RSU1: variants seen among roughly 807,000 people sequenced by gnomAD.
The protein encoded by RSU1 is rsu-1.
A neutral mutation model predicts 31.1 loss-of-function variants in RSU1; 26 were observed. That is an observed-to-expected ratio of 0.84 (90% confidence interval 0.61 to 1.16). The LOEUF is 1.16. Among genes scored for constraint, RSU1 ranks in the 50% most tolerant of loss-of-function variants. The probability of loss-of-function intolerance (pLI) is 0.00; values close to 1 mark genes in which losing one functional copy is unlikely to be tolerated. For missense variants in RSU1, 320 were observed against 339.1 expected, an observed-to-expected ratio of 0.94 and a Z score of 0.44; for synonymous variants, 164 against 136.3, an observed-to-expected ratio of 1.20 and a Z score of -1.41.
At chr10:16,673,220 A>G (rs1488992817) in intron 8 of RSU1, among the ~76,000 whole-genome samples, 3 of 148,476 alleles carry the variant, frequency 2.0e-5, no homozygotes, top group African/African-American at 7.5e-5. Flanking sequence ...GGTAGGACTC[A>G]GAGACCAGAA....
intron 3 of RSU1, 132 bp from the exon 4 acceptor site, chr10:16,764,642 G>A (rs374782925): frequency 2.2e-6 from 2 of 922,874 alleles, no homozygotes; most frequent in Admixed American, 5.7e-5. Context: ...TTCACCTACC[G>A]GTCTTATTTA....
At chr10:16,612,629 TTTG>T (rs1365257849) in intron 8 of RSU1, among the ~76,000 whole-genome samples, 2 of 152,350 alleles carry the variant, frequency 1.3e-5, no homozygotes, top group Non-Finnish European at 2.9e-5. Flanking sequence ...GAAAATGTCA[TTTG>T]TTGTAATGAA....
At chr10:16,782,618 C>A (rs886403506) in intron 2 of RSU1, among the ~76,000 whole-genome samples, 1 of 152,152 alleles carries the variant, frequency 6.6e-6, no homozygotes, top group Non-Finnish European at 1.5e-5. Flanking sequence ...AGAGTTGAAA[C>A]CCTTCACAAT....
chr10:16,647,427 G>A lies in RSU1; in HGVS notation c.731+47596C>T, dbSNP rs565106954. Reference sequence around the variant, plus strand: ...ACGCCCAAGACAAATGAAAACGTATGTCCATGCAAAAACTTGTACGGAAAT... The same window carrying A: ...ACGCCCAAGACAAATGAAAACGTATATCCATGCAAAAACTTGTACGGAAAT... On this transcript the variant is annotated intron_variant, in intron 8 of 8. Transcript: ENST00000345264. 4.8e-4 allele frequency among the ~76,000 whole-genome samples: 73 copies of A among 152,316 alleles called. No individual in the cohort carries two copies. In the South Asian group the frequency reaches 0.015, roughly 32 times the overall value.
At chr10:16,637,457 A>ATT (rs200592205) in intron 8 of RSU1, among the ~76,000 whole-genome samples, 2 of 141,690 alleles carry the variant, frequency 1.4e-5, no homozygotes, top group South Asian at 2.3e-4. Context: ...TTTCCTAAGG[A>ATT]TTTTTTTTTT....
chr10:16,785,511 CAT>C (rs149370279), intron 2 of RSU1, among the ~76,000 whole-genome samples: 10,003 of 133,606 alleles, frequency 0.075, 740 homozygotes, highest in African/African-American at 0.15. Flanking sequence ...CACATATATA[CAT>C]ATATATATAT....
At chr10:16,623,218 A>G (rs1349806818) in intron 8 of RSU1, among the ~76,000 whole-genome samples, 1 of 152,024 alleles carries the variant, frequency 6.6e-6, no homozygotes, top group Non-Finnish European at 1.5e-5. Context: ...CTCAGTTTCT[A>G]TGGTTGCCAT....
At chr10:16,667,857 T>G (rs933008598) in intron 8 of RSU1, among the ~76,000 whole-genome samples, 2 of 152,190 alleles carry the variant, frequency 1.3e-5, no homozygotes, top group Non-Finnish European at 2.9e-5. Flanking sequence ...TATCAGGTAC[T>G]TAGGCTCTAA....
At chr10:16,674,667 GA>G (rs1386168751) in intron 8 of RSU1, among the ~76,000 whole-genome samples, 1 of 152,046 alleles carries the variant, frequency 6.6e-6, no homozygotes, top group South Asian at 2.1e-4. Context: ...AGTGATAATG[GA>G]AAAAACTTTG....
rs199962025 is a variant in RSU1, at chr10:16,709,298, A to G, written c.599-14143T>C. 3.3e-5 allele frequency among the ~76,000 whole-genome samples: 5 copies of G among 152,118 alleles called. No homozygotes were observed. The East Asian group carries it at 9.6e-4, about 29-fold the overall frequency. On this transcript the variant is annotated intron_variant, in intron 7 of 8. Transcript: ENST00000345264. ...ACTGAGAATGATGATTTCCAATTTC[A>G]TCCATGTACCTACAAAGGACATGAA...
chr10:16,724,107 A>T (rs1836335986), intron 7 of RSU1, among the ~76,000 whole-genome samples: 1 of 151,720 alleles, frequency 6.6e-6, no homozygotes, highest in African/African-American at 2.4e-5. Context: ...TGTCCAGCTA[A>T]TTTTTTTGTA....
Position 16,789,693 on chromosome 10 carries a change from C to G in RSU1, c.110-7609G>C, listed in dbSNP as rs568529736. Among the ~76,000 whole-genome samples the G allele has an allele frequency of 2.6e-4, 39 of 152,302 alleles. 1 individual carries two copies. In the South Asian group the frequency reaches 7.9e-3, roughly 31 times the overall value. ...CTGTACCACTGACCCGCTACTGGTG[C>G]CTTGCTGACCGTAATCACACCTGGT... On this transcript the variant is annotated intron_variant, in intron 2 of 8. Coordinates refer to ENST00000345264, the MANE Select transcript of RSU1 (RefSeq NM_012425.4).
intron 8 of RSU1, among the ~76,000 whole-genome samples, chr10:16,648,493 A>G (rs2131511697): frequency 6.6e-6 from 1 of 152,254 alleles, no homozygotes; most frequent in East Asian, 1.9e-4. Flanking sequence ...GAGCCTCCAC[A>G]TTTGAGAGAG....
chr10:16,711,781 A>C (rs1039023631), intron 7 of RSU1, among the ~76,000 whole-genome samples: 3 of 152,162 alleles, frequency 2.0e-5, no homozygotes, highest in African/African-American at 7.2e-5. Context: ...CAAATCTGTT[A>C]AGATTTGTTT....
chr10:16,645,922 G>T lies in RSU1; in HGVS notation c.731+49101C>A, dbSNP rs978982192. On this transcript the variant is annotated intron_variant, in intron 8 of 8. Coordinates refer to ENST00000345264, the MANE Select transcript of RSU1 (RefSeq NM_012425.4). ...TATACACATATATGTATATATATGT[G>T]TATATACACATATGTGTATATATAT... is the stretch of plus-strand genomic sequence containing the variant. Among the ~76,000 whole-genome samples, 2 of 17,314 alleles carry T rather than the reference G, an allele frequency of 1.2e-4. 1 individual carries two copies. The highest frequency in any genetic ancestry group is 5.5e-4 in the African/African-American group (2 of 3,608). 11.4% of individuals were successfully genotyped at this position (17,314 alleles called of 152,430 possible).
chr10:16,705,521 GCT>G (rs1048700212), intron 7 of RSU1, among the ~76,000 whole-genome samples: 1 of 151,464 alleles, frequency 6.6e-6, no homozygotes, highest in Non-Finnish European at 1.5e-5. Flanking sequence ...ACAGAGTCTC[GCT>G]CTGTCACACA....
intron 7 of RSU1, among the ~76,000 whole-genome samples, chr10:16,711,208 A>G (rs999213338): frequency 1.3e-5 from 2 of 152,174 alleles, no homozygotes; most frequent in African/African-American, 4.8e-5. Context: ...ATAGCAGCTC[A>G]TAATATTCTC....
intron 3 of RSU1, among the ~76,000 whole-genome samples, chr10:16,779,373 C>T (rs1401234813): frequency 1.3e-5 from 2 of 152,194 alleles, no homozygotes; most frequent in Admixed American, 6.5e-5. Context: ...CTCACTTTTA[C>T]TGCCCTGGGT....
intron 8 of RSU1, among the ~76,000 whole-genome samples, chr10:16,638,274 C>G (rs1014987212): frequency 1.3e-5 from 2 of 152,140 alleles, no homozygotes; most frequent in Non-Finnish European, 2.9e-5. Flanking sequence ...GCCAAGGTTT[C>G]CAAGCTCATT....
Sources: gnomAD v4.1 joint callset for allele counts (sites outside exome capture counted in the v4.1 genomes callset) on GRCh38, gnomAD v4.1.1 for gene constraint, MANE v1.5 for transcripts, NCBI Gene and HGNC (gene_info 2026-07-23, HGNC 2026-07-21) for gene names.